SUGCT: variants seen among roughly 807,000 people sequenced by gnomAD.
SUGCT encodes succinyl-CoA:glutarate-CoA transferase.
Under a neutral mutation model 55.0 loss-of-function variants are expected in SUGCT, and 41 were observed. The ratio of observed to expected loss-of-function variants is 0.74; its 90% CI spans 0.58 to 0.97. The LOEUF is 0.97. SUGCT is among the 50% of genes least tolerant of loss of function. The pLI is 0.00. For missense variants in SUGCT, 568 were observed against 547.8 expected, an observed-to-expected ratio of 1.04 and a Z score of -0.37; for synonymous variants, 187 against 200.4, an observed-to-expected ratio of 0.93 and a Z score of 0.56.
At chr7:40,292,180 A>G (rs751071099) in intron 8 of SUGCT, among the ~76,000 whole-genome samples, 6 of 152,146 alleles carry the variant, frequency 3.9e-5, no homozygotes, top group Non-Finnish European at 8.8e-5. Context: ...GGTCTTTATC[A>G]GTTCTGATTC....
the SUGCT span, among the ~76,000 whole-genome samples, chr7:40,880,261 T>C: frequency 6.6e-6 from 1 of 152,190 alleles, no homozygotes; most frequent in Non-Finnish European, 1.5e-5. Flanking sequence ...GAGGAAAGAT[T>C]TTTGGGTTTA....
At chr7:40,288,006 T>C (rs963772161) in intron 8 of SUGCT, among the ~76,000 whole-genome samples, 1 of 152,190 alleles carries the variant, frequency 6.6e-6, no homozygotes, top group Non-Finnish European at 1.5e-5. Context: ...ATTGAACCAA[T>C]TTTTCAACCC....
At chr7:40,195,245 CAG>C (rs1405066744) in intron 6 of SUGCT, among the ~76,000 whole-genome samples, 185 bp downstream of exon 6, 1 of 119,258 alleles carries the variant, frequency 8.4e-6, no homozygotes, top group East Asian at 2.8e-4. Context: ...TTTTTTGAGA[CAG>C]AGTCTCGCTC....
chr7:40,657,788 C>T (rs1005718833), intron 12 of SUGCT, among the ~76,000 whole-genome samples: 8 of 152,218 alleles, frequency 5.3e-5, no homozygotes, highest in Admixed American at 6.5e-5. Context: ...CCCACCTTGG[C>T]CTCCCAAAGT....
At chr7:40,570,848 C>CTTT (rs1796405514) in intron 12 of SUGCT, among the ~76,000 whole-genome samples, 3 of 93,852 alleles carry the variant, frequency 3.2e-5, no homozygotes, top group African/African-American at 1.6e-4. Flanking sequence ...AAGCTTTAGG[C>CTTT]TCTTTTTTTT....
chr7:40,898,496 G>GGGGGGGGGGGT, the SUGCT span, among the ~76,000 whole-genome samples: 2 of 101,870 alleles, frequency 2.0e-5, no homozygotes, highest in Non-Finnish European at 2.3e-5. Context: ...GGGGGGGGGG[G>GGGGGGGGGGGT]GTGGATCACG....
chr7:40,673,495 G>C (rs1802043742), intron 12 of SUGCT, among the ~76,000 whole-genome samples: 1 of 152,148 alleles, frequency 6.6e-6, no homozygotes, highest in Non-Finnish European at 1.5e-5. Context: ...GAACCACTGA[G>C]TCACTTCCTC....
intron 10 of SUGCT, among the ~76,000 whole-genome samples, chr7:40,457,337 A>G (rs1424411551): frequency 1.3e-5 from 2 of 152,060 alleles, no homozygotes; most frequent in Non-Finnish European, 2.9e-5. Context: ...GCAGCTACTC[A>G]GGAGGCTGAG....
intron 13 of SUGCT, among the ~76,000 whole-genome samples, chr7:40,826,138 A>G (rs917381934): frequency 6.6e-6 from 1 of 152,194 alleles, no homozygotes; most frequent in African/African-American, 2.4e-5. Flanking sequence ...TTGCTAAAGC[A>G]TACCATCAAG....
chr7:40,818,138 A>G (rs1484148257), intron 13 of SUGCT, among the ~76,000 whole-genome samples: 3 of 152,234 alleles, frequency 2.0e-5, no homozygotes, highest in Non-Finnish European at 2.9e-5. Context: ...AGCTCAGGAT[A>G]TAACGCAACT....
At chr7:40,357,900 G>A (rs1362478707) in intron 9 of SUGCT, among the ~76,000 whole-genome samples, 1 of 152,026 alleles carries the variant, frequency 6.6e-6, no homozygotes, top group Non-Finnish European at 1.5e-5. Flanking sequence ...GGCCAGTATG[G>A]CGTTGTTTGC....
chr7:40,551,218 GGTGATCCTTA>G (rs1795282138), intron 12 of SUGCT, among the ~76,000 whole-genome samples: 1 of 152,098 alleles, frequency 6.6e-6, no homozygotes, highest in South Asian at 2.1e-4. Context: ...TCCACCCTTT[GGTGATCCTTA>G]GTGACGGTTT....
chr7:40,381,070 G>A (rs62453377), intron 9 of SUGCT, among the ~76,000 whole-genome samples: 3,050 of 152,184 alleles, frequency 0.02, 43 homozygotes, highest in South Asian at 0.027. Flanking sequence ...TCAGTAGGTG[G>A]AGGGCAGTAG....
chr7:40,891,522 A>G, the SUGCT span, among the ~76,000 whole-genome samples: 4 of 152,182 alleles, frequency 2.6e-5, no homozygotes, highest in Non-Finnish European at 5.9e-5. Flanking sequence ...GTACTGAAAG[A>G]AAAAAAGAAC....
intron 1 of SUGCT, among the ~76,000 whole-genome samples, chr7:40,175,525 T>C (rs1384219525): frequency 6.6e-6 from 1 of 152,116 alleles, no homozygotes; most frequent in Non-Finnish European, 1.5e-5. Context: ...TGGACTGTGT[T>C]TCTTTTTAAA....
Position 40,536,585 on chromosome 7 carries a change from T to C in SUGCT, c.1089+40199T>C, listed in dbSNP as rs1794374979. Among the ~76,000 whole-genome samples the C allele has an allele frequency of 3.9e-5, 6 of 152,346 alleles. No homozygotes were observed. In the South Asian group the frequency reaches 1.2e-3, roughly 32 times the overall value. ...AGGGCCAGGCAAGTAGTTAGCTGTG[T>C]GGCGTTGAGTCCCAATAATTTAACA... On this transcript the variant is annotated intron_variant, in intron 12 of 13. Transcript: ENST00000335693.
intron 13 of SUGCT, among the ~76,000 whole-genome samples, chr7:40,855,845 T>C (rs1293185252): frequency 6.6e-6 from 1 of 152,192 alleles, no homozygotes; most frequent in East Asian, 1.9e-4. Flanking sequence ...AAATCCATAT[T>C]AAAAATTTTT....
chr7:40,774,616 AAC>A (rs1172449004), intron 13 of SUGCT, among the ~76,000 whole-genome samples: 1 of 152,164 alleles, frequency 6.6e-6, no homozygotes, highest in East Asian at 1.9e-4. Context: ...ATAATTTCCT[AAC>A]AGAGTTATTT....
At chr7:40,854,416 TTTCC>T (rs1794033810) in intron 13 of SUGCT, among the ~76,000 whole-genome samples, 3 of 59,428 alleles carry the variant, frequency 5.0e-5, no homozygotes, top group South Asian at 6.6e-4. Flanking sequence ...TCTTTCTTTC[TTTCC>T]TTTCTTTCTT....
Sources: allele counts gnomAD v4.1 joint callset (sites outside exome capture counted in the v4.1 genomes callset), GRCh38; gene constraint gnomAD v4.1.1; transcripts MANE v1.5; gene names NCBI Gene and HGNC (gene_info 2026-07-23, HGNC 2026-07-21).